The following GRIN3A variants were observed in gnomAD, a reference collection of about 807,000 sequenced individuals.
GRIN3A encodes glutamate ionotropic receptor NMDA type subunit 3A, also known as glutamate receptor ionotropic, NMDA 3A.
A neutral mutation model predicts 92.4 loss-of-function variants in GRIN3A; 47 were observed. That is an observed-to-expected ratio of 0.51 (90% CI 0.40 to 0.65). GRIN3A has a LOEUF of 0.65. Among genes scored for constraint, GRIN3A ranks in the 30% least tolerant of loss-of-function variants. The probability of loss-of-function intolerance (pLI) is 0.00; values close to 1 mark genes in which losing one functional copy is unlikely to be tolerated. For synonymous variants in GRIN3A, 527 were observed against 540.6 expected, an observed-to-expected ratio of 0.97 and a Z score of 0.35; for missense variants, 1,324 against 1,393.1, an observed-to-expected ratio of 0.95 and a Z score of 0.79.
rs898254771 is a variant in GRIN3A, at chr9:101,646,367, C to T, written c.2353-17966G>A. Among the ~76,000 whole-genome samples the T allele has an allele frequency of 7.3e-5, 11 of 151,714 alleles. No homozygotes were observed. In the East Asian group the frequency reaches 7.8e-4, roughly 11 times the overall value. On this transcript the variant is annotated intron_variant, in intron 3 of 8. Transcript: ENST00000361820. ...GCATTGAAACAATATACACTGTTTA[C>T]GCAAGGTTTATGTGTCCATTTTTAT... is the stretch of plus-strand genomic sequence containing the variant.
At chr9:101,632,402 G>T (rs988800739) in intron 3 of GRIN3A, among the ~76,000 whole-genome samples, 28 of 152,180 alleles carry the variant, frequency 1.8e-4, no homozygotes, top group Middle Eastern at 3.2e-3. Context: ...TTCAACAAAT[G>T]TTAGCTGCTA....
chr9:101,698,123 T>C (rs1829705656), intron 1 of GRIN3A, among the ~76,000 whole-genome samples: 1 of 152,232 alleles, frequency 6.6e-6, no homozygotes, highest in African/African-American at 2.4e-5. Context: ...TAATTACTAA[T>C]ATAGTTAATG....
At chr9:101,582,989 A>T (rs1827907959) in intron 6 of GRIN3A, among the ~76,000 whole-genome samples, 1 of 152,226 alleles carries the variant, frequency 6.6e-6, no homozygotes, top group South Asian at 2.1e-4. Flanking sequence ...AGACTAACAG[A>T]AGTAGTTATT....
chr9:101,633,412 A>G (rs1043634104), intron 3 of GRIN3A, among the ~76,000 whole-genome samples: 3 of 152,216 alleles, frequency 2.0e-5, no homozygotes, highest in Non-Finnish European at 4.4e-5. Flanking sequence ...ATGCTATAGT[A>G]TCAAGTGGTC....
At chr9:101,704,017 G>A (rs1364382781) in intron 1 of GRIN3A, among the ~76,000 whole-genome samples, 1 of 152,092 alleles carries the variant, frequency 6.6e-6, no homozygotes, top group African/African-American at 2.4e-5. Context: ...TTAAACACAA[G>A]CGAAAGGGCT....
In GRIN3A at chr9:101,687,015, G is replaced by A. The variant is rs1011417359; in HGVS notation, c.885C>T (p.Ile295=). ...TGGAGGGGAGGTTAGCGGTGATGTT[G>A]ATGATAGAACCAAGGTGGAACTTGG... ...NNSKFHLGSI[I]NITANLPSTQ... The change falls in exon 2 of 9, where the codon ATC becomes ATT. Residue 295 remains isoleucine, a synonymous_variant. Transcript: ENST00000361820. 6.2e-7 allele frequency: 1 copy of A among 1,614,132 alleles called. No homozygotes were observed. Among genetic ancestry groups the A allele is most frequent in the Non-Finnish European group, 8.5e-7 (1 of 1,179,978 alleles).
At chr9:101,684,665 A>T (rs1398613207) in intron 2 of GRIN3A, among the ~76,000 whole-genome samples, 2 of 152,200 alleles carry the variant, frequency 1.3e-5, no homozygotes, top group Admixed American at 6.5e-5. Flanking sequence ...GATCAGTCTG[A>T]TCTTGGTAAA....
chr9:101,732,551 T>A (rs1457636508), intron 1 of GRIN3A, among the ~76,000 whole-genome samples: 2 of 152,124 alleles, frequency 1.3e-5, no homozygotes, highest in South Asian at 2.1e-4. Context: ...GGAACCTAGT[T>A]TTTTGTTTGT....
intron 5 of GRIN3A, among the ~76,000 whole-genome samples, chr9:101,615,411 C>CAA (rs1343913540): frequency 2.5e-5 from 3 of 121,268 alleles, no homozygotes; most frequent in Non-Finnish European, 4.9e-5. Flanking sequence ...TTTTTTGAGA[C>CAA]AGAGTCTCGA....
At chr9:101,648,039 C>A (rs918606240) in intron 3 of GRIN3A, among the ~76,000 whole-genome samples, 20 of 151,384 alleles carry the variant, frequency 1.3e-4, no homozygotes, top group African/African-American at 4.8e-4. Context: ...TTGGTTTATT[C>A]TTGCTTTTCT....
intron 2 of GRIN3A, among the ~76,000 whole-genome samples, chr9:101,675,388 A>G (rs1323428): frequency 0.098 from 14,902 of 152,002 alleles, 1,193 homozygotes; most frequent in East Asian, 0.4. Context: ...TATTTAATAT[A>G]TATTTTAGAA....
At chr9:101,694,167 G>A (rs886596263) in intron 1 of GRIN3A, among the ~76,000 whole-genome samples, 2 of 152,094 alleles carry the variant, frequency 1.3e-5, no homozygotes, top group Admixed American at 1.3e-4. Context: ...CTGGAACAGG[G>A]CCCACTTCTT....
intron 6 of GRIN3A, chr9:101,594,726 C>G (rs202237297): frequency 1.9e-6 from 3 of 1,614,212 alleles, no homozygotes; most frequent in Admixed American, 3.3e-5. Context: ...TCTCCATCAC[C>G]GTCGGTGTCG....
chr9:101,608,779 A>G (rs1828319961), intron 6 of GRIN3A, among the ~76,000 whole-genome samples: 1 of 152,244 alleles, frequency 6.6e-6, no homozygotes, highest in Non-Finnish European at 1.5e-5. Context: ...ATTCAAATAT[A>G]GAACTGTCTT....
intron 2 of GRIN3A, among the ~76,000 whole-genome samples, chr9:101,671,669 T>C (rs1209881839): frequency 6.6e-6 from 1 of 152,180 alleles, no homozygotes; most frequent in Non-Finnish European, 1.5e-5. Context: ...TTTCTTCTTG[T>C]GGAATGAAAT....
At chr9:101,720,238 A>G (rs1588296982) in intron 1 of GRIN3A, among the ~76,000 whole-genome samples, 2 of 152,210 alleles carry the variant, frequency 1.3e-5, no homozygotes, top group East Asian at 3.8e-4. Context: ...GTTTTCCTGA[A>G]GATGTTTCAA....
At chr9:101,713,375 A>G (rs1829905676) in intron 1 of GRIN3A, among the ~76,000 whole-genome samples, 1 of 152,192 alleles carries the variant, frequency 6.6e-6, no homozygotes, top group Non-Finnish European at 1.5e-5. Context: ...ATTCCCAACA[A>G]AAAGGGCATA....
chr9:101,721,375 T>C (rs956679711), intron 1 of GRIN3A, among the ~76,000 whole-genome samples: 2 of 152,198 alleles, frequency 1.3e-5, no homozygotes, highest in Non-Finnish European at 2.9e-5. Flanking sequence ...AAACTCTTTT[T>C]CTTCCCAGTC....
intron 3 of GRIN3A, among the ~76,000 whole-genome samples, chr9:101,630,131 T>C (rs1159349903): frequency 6.6e-6 from 1 of 152,224 alleles, no homozygotes; most frequent in African/African-American, 2.4e-5. Context: ...GGTCAAATTT[T>C]TCTATGTAAA....
Sources: allele counts gnomAD v4.1 joint callset (sites outside exome capture counted in the v4.1 genomes callset), GRCh38; gene constraint gnomAD v4.1.1; transcripts MANE v1.5; gene names NCBI Gene and HGNC (gene_info 2026-07-23, HGNC 2026-07-21).